The following DMD variants were observed in gnomAD, a reference collection of about 807,000 sequenced individuals.
The protein encoded by DMD is mutant dystrophin.
DMD carries 63 observed loss-of-function variants against 330.1 expected under a neutral mutation model. That is an observed-to-expected ratio of 0.19 (90% CI 0.16 to 0.24). The LOEUF is 0.24. Among genes scored for constraint, DMD ranks in the 10% least tolerant of loss-of-function variants. DMD has a pLI of 1.00. For synonymous variants in DMD, 1,223 were observed against 959.8 expected (o/e 1.27, Z -5.07); for missense variants, 3,344 against 2,684.1 (o/e 1.25, Z -5.43).
chrX:32,312,937 C>A (rs1347328257), intron 41 of DMD, among the ~76,000 whole-genome samples: 2 of 23,840 alleles, frequency 8.4e-5, no homozygotes, highest in African/African-American at 1.2e-4. Flanking sequence ...TAATAGCCTA[C>A]GAACCAAAAA....
intron 2 of DMD, among the ~76,000 whole-genome samples, chrX:32,892,686 C>A (rs1445390139): frequency 8.9e-6 from 1 of 111,956 alleles, no homozygotes; most frequent in Admixed American, 9.5e-5. Context: ...CGTGAGCCAC[C>A]CGGCCTCTAA....
intron 62 of DMD, among the ~76,000 whole-genome samples, chrX:31,295,509 G>A (rs2054118960): frequency 9.0e-6 from 1 of 110,976 alleles, no homozygotes; most frequent in African/African-American, 3.3e-5. Context: ...CACCTCCCAA[G>A]TCCAAGCGAT....
At chrX:32,665,112 C>G (rs1027773274) in intron 9 of DMD, among the ~76,000 whole-genome samples, 1 of 112,144 alleles carries the variant, frequency 8.9e-6, no homozygotes, top group Non-Finnish European at 1.9e-5. Flanking sequence ...ACTGTAAAAA[C>G]TTAATAAATG....
intron 12 of DMD, among the ~76,000 whole-genome samples, chrX:32,610,028 GA>G (rs1456445468): frequency 9.0e-6 from 1 of 111,118 alleles, no homozygotes; most frequent in African/African-American, 3.3e-5. Flanking sequence ...TACTATTAAT[GA>G]AAGCTCAAGG....
intron 49 of DMD, among the ~76,000 whole-genome samples, chrX:31,825,726 T>A (rs746515386): frequency 1.8e-5 from 2 of 111,858 alleles, no homozygotes; most frequent in East Asian, 5.6e-4. Context: ...ATTGATGTGA[T>A]AACGACACCC....
chrX:32,337,924 CTCCT>C (rs761611377), intron 41 of DMD, among the ~76,000 whole-genome samples: 82 of 111,276 alleles, frequency 7.4e-4, no homozygotes, highest in African/African-American at 2.2e-3. Context: ...ACATCGCTGT[CTCCT>C]TCCTTCTAGT....
chrX:32,678,499 C>CGTGTGTGTGTGT (rs760244852), intron 9 of DMD, among the ~76,000 whole-genome samples: 44 of 106,084 alleles, frequency 4.1e-4, no homozygotes, highest in Admixed American at 1.5e-3. Flanking sequence ...TTTGCGTGTC[C>CGTGTGTGTGTGT]GTGTGTGTGT....
chrX:32,844,171 G>A (rs764987814), intron 4 of DMD, among the ~76,000 whole-genome samples: 4 of 111,480 alleles, frequency 3.6e-5, no homozygotes, highest in Non-Finnish European at 7.5e-5. Flanking sequence ...TCGGGAGGCT[G>A]AGGCAGGTGG....
intron 12 of DMD, among the ~76,000 whole-genome samples, chrX:32,605,123 G>T (rs945147189): frequency 2.7e-5 from 3 of 110,875 alleles, no homozygotes; most frequent in Non-Finnish European, 5.7e-5. Context: ...TAAAGTTGAA[G>T]GCATCACATT....
chrX:32,641,455 T>A (rs1212108782), intron 11 of DMD: 6 of 126,235 alleles, frequency 4.8e-5, no homozygotes, highest in African/African-American at 2.1e-4. Context: ...TGACTATATA[T>A]CAAATATAAT....
At chrX:32,849,674 G>T in intron 3 of DMD, 54 bp downstream of exon 3, 2 of 899,630 alleles carry the variant, frequency 2.2e-6, no homozygotes, top group East Asian at 3.1e-5. Context: ...GTCAGTTTCT[G>T]GTCTGAAATT....
chrX:32,738,679 T>A lies in DMD; in HGVS notation c.650-39386A>T, dbSNP rs777958501. ...TAGGAGACTGAAAACTTCTTCTACA[T>A]GTTCACTTGTCACCCGTCTGCAGAA... On this transcript the variant is annotated intron_variant, in intron 7 of 78. Transcript: ENST00000357033. 0.065 allele frequency among the ~76,000 whole-genome samples: 6,998 copies of A among 108,259 alleles called. 2 individuals carry two copies. The highest frequency in any genetic ancestry group is 0.24 in the African/African-American group (6,568 of 27,518). 94.0% of individuals were successfully genotyped at this position (108,259 alleles called of 115,157 possible).
At chrX:33,228,377 A>C (rs1158905399) in intron 1 of DMD, among the ~76,000 whole-genome samples, 1 of 108,479 alleles carries the variant, frequency 9.2e-6, no homozygotes, top group Non-Finnish European at 1.9e-5. Context: ...CACGTTAGCA[A>C]ATGAGGTACA....
chrX:32,467,290 G>C (rs964931728), intron 23 of DMD, among the ~76,000 whole-genome samples: 1 of 111,021 alleles, frequency 9.0e-6, no homozygotes, highest in Non-Finnish European at 1.9e-5. Context: ...ATTAACATTT[G>C]TCACAATAAT....
intron 21 of DMD, among the ~76,000 whole-genome samples, chrX:32,483,674 G>A (rs756123165): frequency 1.0e-4 from 11 of 107,662 alleles, no homozygotes; most frequent in East Asian, 5.9e-4. Flanking sequence ...TGAAAATCTA[G>A]GACATTTAAA....
At chrX:32,569,803 C>G (rs2052189029) in intron 15 of DMD, among the ~76,000 whole-genome samples, 1 of 110,747 alleles carries the variant, frequency 9.0e-6, no homozygotes, top group South Asian at 3.9e-4. Flanking sequence ...CACCCTGCTT[C>G]CCCAGAGCTG....
intron 43 of DMD, among the ~76,000 whole-genome samples, chrX:32,252,733 AATATAT>A (rs1363154489): frequency 2.8e-5 from 1 of 35,867 alleles, no homozygotes; most frequent in South Asian, 1.2e-3. Flanking sequence ...TAAATATATA[AATATAT>A]ATATAAATAT....
intron 13 of DMD, among the ~76,000 whole-genome samples, chrX:32,582,270 G>C (rs1246864394): frequency 9.0e-6 from 1 of 111,100 alleles, no homozygotes; most frequent in Non-Finnish European, 1.9e-5. Context: ...TAATACTACA[G>C]ATAATGTATT....
intron 17 of DMD, among the ~76,000 whole-genome samples, chrX:32,520,018 AGTT>A (rs2046264773): frequency 8.9e-6 from 1 of 111,762 alleles, no homozygotes. Flanking sequence ...ATACAGATTG[AGTT>A]GTTATTTATC....
Sources: allele counts gnomAD v4.1 joint callset (sites outside exome capture counted in the v4.1 genomes callset), GRCh38; gene constraint gnomAD v4.1.1; transcripts MANE v1.5; gene names NCBI Gene and HGNC (gene_info 2026-07-23, HGNC 2026-07-21).